Variants in SCMH1 observed in about 807,000 individuals in gnomAD.
The protein encoded by SCMH1 is Scm polycomb group protein homolog 1.
Under a neutral mutation model 70.8 loss-of-function variants are expected in SCMH1, and 37 were observed. The observed-to-expected ratio is 0.52, with a 90% CI of 0.40 to 0.69. The LOEUF is 0.69. Ranked by LOEUF, SCMH1 falls within the 30% of genes least tolerant of loss-of-function variation. The pLI, the probability that SCMH1 is intolerant of heterozygous loss-of-function variation, is 0.00. For missense variants in SCMH1, 607 were observed against 827.3 expected, an observed-to-expected ratio of 0.73 and a Z score of 3.27; for synonymous variants, 292 against 307.4, an observed-to-expected ratio of 0.95 and a Z score of 0.52.
At chr1:41,080,980 G>A (rs951583761) in intron 8 of SCMH1, among the ~76,000 whole-genome samples, 9 of 151,990 alleles carry the variant, frequency 5.9e-5, no homozygotes, top group Admixed American at 2.0e-4. Context: ...TTACTTGTAC[G>A]TGACATGATT....
chr1:41,056,501 A>T (rs1371260890), intron 10 of SCMH1, among the ~76,000 whole-genome samples: 2 of 152,034 alleles, frequency 1.3e-5, no homozygotes, highest in African/African-American at 2.4e-5. Flanking sequence ...GGAGGTTATT[A>T]AAAAAATTCA....
At chr1:41,095,554 C>A (rs1664843867) in intron 8 of SCMH1, among the ~76,000 whole-genome samples, 1 of 152,162 alleles carries the variant, frequency 6.6e-6, no homozygotes, top group Non-Finnish European at 1.5e-5. Context: ...CAGTGCTGAC[C>A]TCCTACCTCC....
At chr1:41,051,868 G>C (rs1416760538) in intron 10 of SCMH1, among the ~76,000 whole-genome samples, 1 of 152,086 alleles carries the variant, frequency 6.6e-6, no homozygotes, top group Non-Finnish European at 1.5e-5. Context: ...AAAGTGTACA[G>C]TGTTTATAAA....
chr1:41,148,883 C>A (rs577261118), intron 5 of SCMH1, among the ~76,000 whole-genome samples: 1 of 152,268 alleles, frequency 6.6e-6, no homozygotes, highest in Non-Finnish European at 1.5e-5. Context: ...CTCCGCCTCC[C>A]AGGTTCATAA....
At chr1:41,179,636 C>A (rs1648106062) in intron 2 of SCMH1, among the ~76,000 whole-genome samples, 1 of 152,164 alleles carries the variant, frequency 6.6e-6, no homozygotes, top group Non-Finnish European at 1.5e-5. Flanking sequence ...AATTCCTCGA[C>A]ACATACACCC....
At chr1:41,057,176 G>A (rs1311509378) in intron 10 of SCMH1, among the ~76,000 whole-genome samples, 1 of 152,182 alleles carries the variant, frequency 6.6e-6, no homozygotes, top group African/African-American at 2.4e-5. Context: ...TTGAAAGACT[G>A]AGATTTAGTC....
chr1:41,133,641 A>C (rs923819022), intron 6 of SCMH1, among the ~76,000 whole-genome samples: 1 of 152,220 alleles, frequency 6.6e-6, no homozygotes, highest in Non-Finnish European at 1.5e-5. Flanking sequence ...AACTACCATC[A>C]GAGAATACTA....
chr1:41,094,603 AAAAG>A (rs1003827286), intron 8 of SCMH1, among the ~76,000 whole-genome samples: 62 of 152,236 alleles, frequency 4.1e-4, no homozygotes, highest in African/African-American at 1.5e-3. Context: ...AAAAAGAAAA[AAAAG>A]AGCCAGGCAT....
intron 8 of SCMH1, among the ~76,000 whole-genome samples, chr1:41,105,022 C>T (rs1256151513): frequency 6.6e-6 from 1 of 151,934 alleles, no homozygotes; most frequent in African/African-American, 2.4e-5. Context: ...GTGGCACAAT[C>T]TCGGCTCACT....
intron 11 of SCMH1, 70 bp from the exon 12 acceptor site, chr1:41,046,668 C>T: frequency 8.4e-7 from 1 of 1,188,708 alleles, no homozygotes; most frequent in Non-Finnish European, 1.2e-6. Flanking sequence ...CAGGACGAGT[C>T]CAGCCCACTG....
At position 41,046,182 on chromosome 1, in the gene SCMH1, A is replaced by G. The variant is rs575065988; in HGVS notation, c.1498+225T>C. 6.6e-5 allele frequency among the ~76,000 whole-genome samples: 10 copies of G among 152,318 alleles called. No homozygotes were observed. The South Asian group carries it at 2.1e-3, about 32-fold the overall frequency. ...CTTTTATCTAGGGATAAGGATCTAG[A>G]AGAAATAGGGGTGATCCTAGAGACA... On this transcript the variant is annotated intron_variant, in intron 12 of 14. Coordinates refer to ENST00000337495, the Ensembl canonical transcript of SCMH1.
chr1:41,030,397 G>C (rs4660499), intron 13 of SCMH1, among the ~76,000 whole-genome samples: 2 of 152,150 alleles, frequency 1.3e-5, no homozygotes, highest in South Asian at 2.1e-4. Context: ...TCACTCTGCA[G>C]CCCCTGCCCG....
At position 41,096,171 on chromosome 1, in the gene SCMH1, T is replaced by C. The variant is rs1260635378; in HGVS notation, c.745+17112A>G. On this transcript the variant is annotated intron_variant, in intron 8 of 14. Coordinates refer to ENST00000337495, the Ensembl canonical transcript of SCMH1. ...ACAGACACTGAACTTTTATGACTTATTACAATTATTAACGGAATGATTTAC... is the reference window on the plus strand; with the variant it reads ...ACAGACACTGAACTTTTATGACTTACTACAATTATTAACGGAATGATTTAC... Among the ~76,000 whole-genome samples the C allele has an allele frequency of 2.0e-5, 3 of 152,184 alleles. No individual in the cohort carries two copies. In the East Asian group the frequency reaches 5.8e-4, roughly 29 times the overall value.
At chr1:41,136,955 A>G (rs2148153667) in intron 6 of SCMH1, among the ~76,000 whole-genome samples, 1 of 151,568 alleles carries the variant, frequency 6.6e-6, no homozygotes, top group Middle Eastern at 3.4e-3. Flanking sequence ...TTTTAAAAAC[A>G]TTTTTGTTGA....
chr1:41,055,511 G>A (rs1319750663), intron 10 of SCMH1, among the ~76,000 whole-genome samples: 2 of 152,012 alleles, frequency 1.3e-5, no homozygotes, highest in Admixed American at 6.6e-5. Flanking sequence ...CACCATGCCC[G>A]GCTAATTTTT....
intron 1 of SCMH1, among the ~76,000 whole-genome samples, chr1:41,196,741 C>G (rs1013775525): frequency 6.6e-6 from 1 of 152,132 alleles, no homozygotes; most frequent in African/African-American, 2.4e-5. Flanking sequence ...TCAAAAGATC[C>G]TATCATCAGA....
chr1:41,119,384 C>G (rs1398796743), intron 6 of SCMH1, among the ~76,000 whole-genome samples: 1 of 151,532 alleles, frequency 6.6e-6, no homozygotes, highest in Non-Finnish European at 1.5e-5. Flanking sequence ...ATCACTCAAT[C>G]TAAAACTGCC....
chr1:41,224,053 AC>A (rs1276300632), intron 1 of SCMH1, among the ~76,000 whole-genome samples: 5 of 152,054 alleles, frequency 3.3e-5, no homozygotes, highest in African/African-American at 9.7e-5. Flanking sequence ...AACGATTTAT[AC>A]AGTTCCAAAC....
exon 3 of SCMH1, chr1:41,161,390 A>G: frequency 6.4e-7 from 1 of 1,550,642 alleles, no homozygotes; most frequent in African/African-American, 1.4e-5. Context: ...AGACTCTGAT[A>G]GGTGACCATA....
Sources: gnomAD v4.1 joint callset for allele counts (sites outside exome capture counted in the v4.1 genomes callset) on GRCh38, gnomAD v4.1.1 for gene constraint, MANE v1.5 for transcripts, NCBI Gene and HGNC (gene_info 2026-07-23, HGNC 2026-07-21) for gene names.